The following PTPRD variants were observed in gnomAD, a reference collection of about 807,000 sequenced individuals.
PTPRD encodes the protein receptor-type tyrosine-protein phosphatase delta.
In PTPRD, 34 loss-of-function variants were observed where a neutral mutation model predicts 214.5. The ratio of observed to expected loss-of-function variants is 0.16; its 90% CI spans 0.12 to 0.21. The LOEUF (loss-of-function observed/expected upper bound fraction) is 0.21, where lower values mean the gene tolerates loss of function less well. Among genes scored for constraint, PTPRD ranks in the 10% least tolerant of loss-of-function variants. The probability of loss-of-function intolerance (pLI) is 1.00; values close to 1 mark genes in which losing one functional copy is unlikely to be tolerated. For synonymous variants in PTPRD, 1,128 were observed against 845.7 expected (o/e 1.33, Z -5.79); for missense variants, 2,545 against 2,398.7 (o/e 1.06, Z -1.27).
intron 8 of PTPRD, among the ~76,000 whole-genome samples, chr9:9,526,410 A>C (rs1220588887): frequency 1.3e-5 from 2 of 152,158 alleles, no homozygotes; most frequent in Non-Finnish European, 2.9e-5. Context: ...GTGCTTTCCA[A>C]AGGGGTTGCA....
chr9:9,335,478 C>T (rs1033763570), intron 9 of PTPRD, among the ~76,000 whole-genome samples: 3 of 152,072 alleles, frequency 2.0e-5, no homozygotes, highest in Non-Finnish European at 2.9e-5. Flanking sequence ...ACAAACCCAT[C>T]TTTTCACTTG....
chr9:10,496,325 C>T (rs2042014408), intron 2 of PTPRD, among the ~76,000 whole-genome samples: 1 of 151,852 alleles, frequency 6.6e-6, no homozygotes, highest in South Asian at 2.1e-4. Flanking sequence ...AACACTCTGG[C>T]ATTTTTCGAA....
chr9:9,575,736 A>G (rs2088380311), intron 7 of PTPRD, among the ~76,000 whole-genome samples: 1 of 143,074 alleles, frequency 7.0e-6, no homozygotes, highest in Non-Finnish European at 1.5e-5. Context: ...AAAAAAAAAA[A>G]AAAAAAAAAA....
chr9:9,948,949 A>G (rs2093130897), intron 4 of PTPRD, among the ~76,000 whole-genome samples: 1 of 152,078 alleles, frequency 6.6e-6, no homozygotes, highest in South Asian at 2.1e-4. Context: ...AATTAATATT[A>G]CAGTGCAATG....
intron 11 of PTPRD, among the ~76,000 whole-genome samples, chr9:8,764,833 A>G (rs1439503860): frequency 2.1e-5 from 3 of 140,300 alleles, no homozygotes; most frequent in Non-Finnish European, 4.7e-5. Context: ...AATAATAATA[A>G]TAGCAGCTTA....
At chr9:8,778,824 T>C (rs2095584402) in intron 11 of PTPRD, among the ~76,000 whole-genome samples, 2 of 152,120 alleles carry the variant, frequency 1.3e-5, no homozygotes, top group Admixed American at 1.3e-4. Flanking sequence ...AATAATATCA[T>C]ACAGAGCCCA....
intron 9 of PTPRD, among the ~76,000 whole-genome samples, chr9:9,352,558 T>C (rs2051832377): frequency 6.6e-6 from 1 of 151,906 alleles, no homozygotes; most frequent in South Asian, 2.1e-4. Context: ...CTTCACTCTG[T>C]TGCCTTCACA....
At chr9:9,965,962 T>C (rs535595533) in intron 4 of PTPRD, among the ~76,000 whole-genome samples, 154 of 152,330 alleles carry the variant, frequency 1.0e-3, no homozygotes, top group Non-Finnish European at 1.1e-3. Context: ...TGCTCTCTTT[T>C]GTTTGCTTTT....
At chr9:9,343,934 C>A (rs1569567545) in intron 9 of PTPRD, among the ~76,000 whole-genome samples, 1 of 152,102 alleles carries the variant, frequency 6.6e-6, no homozygotes, top group Non-Finnish European at 1.5e-5. Flanking sequence ...GGGAAGCACT[C>A]CAACTTTCTT....
chr9:8,818,372 T>C (rs1345004428), intron 11 of PTPRD, among the ~76,000 whole-genome samples: 6 of 152,172 alleles, frequency 3.9e-5, no homozygotes, highest in African/African-American at 1.4e-4. Context: ...GTTAATTTGG[T>C]TTAATAACTT....
chr9:8,698,105 T>G (rs1344873780), intron 12 of PTPRD, among the ~76,000 whole-genome samples: 1 of 152,208 alleles, frequency 6.6e-6, no homozygotes, highest in Non-Finnish European at 1.5e-5. Context: ...TTTATGTCAT[T>G]TTCCATTTAA....
intron 5 of PTPRD, among the ~76,000 whole-genome samples, chr9:9,861,006 T>G (rs10816216): frequency 0.11 from 16,203 of 152,152 alleles, 2,181 homozygotes; most frequent in East Asian, 0.69. Flanking sequence ...AAAATAGACA[T>G]TATAGTTGGA....
chr9:10,604,571 C>T (rs1163326179), intron 2 of PTPRD, among the ~76,000 whole-genome samples: 1 of 151,816 alleles, frequency 6.6e-6, no homozygotes. Flanking sequence ...AGCCTTGTTG[C>T]TTGCAACCAC....
At chr9:8,717,132 C>CA (rs1222470773) in intron 12 of PTPRD, among the ~76,000 whole-genome samples, 1 of 152,068 alleles carries the variant, frequency 6.6e-6, no homozygotes, top group Non-Finnish European at 1.5e-5. Context: ...CAGAGTGTGT[C>CA]ACTGTCTCAA....
intron 8 of PTPRD, among the ~76,000 whole-genome samples, chr9:9,482,957 TA>T (rs1418474922): frequency 6.6e-6 from 1 of 152,190 alleles, no homozygotes; most frequent in Non-Finnish European, 1.5e-5. Flanking sequence ...GTAAAGCCAG[TA>T]AAATTATTGG....
intron 2 of PTPRD, among the ~76,000 whole-genome samples, chr9:10,566,428 T>C (rs1170291304): frequency 6.6e-6 from 1 of 152,066 alleles, no homozygotes; most frequent in Non-Finnish European, 1.5e-5. Flanking sequence ...TATTTAGTAT[T>C]GTTAGACTTA....
chr9:10,481,809 G>T (rs1422467470), intron 2 of PTPRD, among the ~76,000 whole-genome samples: 1 of 152,148 alleles, frequency 6.6e-6, no homozygotes, highest in Non-Finnish European at 1.5e-5. Context: ...GTAAGGCAAT[G>T]GGAAAGTGTA....
At chr9:9,905,455 G>C (rs2077329327) in intron 5 of PTPRD, among the ~76,000 whole-genome samples, 1 of 151,764 alleles carries the variant, frequency 6.6e-6, no homozygotes, top group African/African-American at 2.4e-5. Context: ...CGACAACAAG[G>C]TTTATGGCTA....
At chr9:8,325,938 G>C (rs1481223931) in intron 44 of PTPRD, among the ~76,000 whole-genome samples, 2 of 152,188 alleles carry the variant, frequency 1.3e-5, no homozygotes, top group Admixed American at 1.3e-4. Context: ...AGACTTTCCT[G>C]AAGTTGCTTA....
Sources: allele counts gnomAD v4.1 joint callset (sites outside exome capture counted in the v4.1 genomes callset), GRCh38; gene constraint gnomAD v4.1.1; transcripts MANE v1.5; gene names NCBI Gene and HGNC (gene_info 2026-07-23, HGNC 2026-07-21).